The following PRTFDC1 variants were observed in gnomAD, a reference collection of about 807,000 sequenced individuals.
PRTFDC1 encodes phosphoribosyl transferase domain containing 1.
PRTFDC1 carries 38 observed loss-of-function variants against 34.6 expected under a neutral mutation model. That is an observed-to-expected ratio of 1.10 (90% CI 0.85 to 1.44). The LOEUF is 1.44. Ranked by LOEUF, PRTFDC1 falls within the 40% of genes most tolerant of loss-of-function variation. The pLI, the probability that PRTFDC1 is intolerant of heterozygous loss-of-function variation, is 0.00. For missense variants in PRTFDC1, 270 were observed against 283.0 expected, an observed-to-expected ratio of 0.95 and a Z score of 0.33; for synonymous variants, 93 against 98.1, an observed-to-expected ratio of 0.95 and a Z score of 0.31.
chr10:24,849,917 AT>A, intron 8 of PRTFDC1, 26 bp from the exon 9 acceptor site: 1 of 1,612,182 alleles, frequency 6.2e-7, no homozygotes, highest in South Asian at 1.1e-5. Flanking sequence ...ATTTAAACGC[AT>A]CAGTTTCTTA....
At chr10:24,854,682 A>G (rs1360258906) in intron 7 of PRTFDC1, among the ~76,000 whole-genome samples, 3 of 152,270 alleles carry the variant, frequency 2.0e-5, no homozygotes, top group African/African-American at 7.2e-5. Flanking sequence ...AGTGTCCTAG[A>G]TGAGGAAGCC....
intron 4 of PRTFDC1, among the ~76,000 whole-genome samples, chr10:24,863,570 T>C (rs1847721694): frequency 6.6e-6 from 1 of 152,128 alleles, no homozygotes; most frequent in South Asian, 2.1e-4. Flanking sequence ...GTCTTATTAT[T>C]TAAGAAATAG....
intron 3 of PRTFDC1, among the ~76,000 whole-genome samples, chr10:24,894,191 C>T (rs1044739797): frequency 3.3e-5 from 5 of 151,988 alleles, no homozygotes; most frequent in African/African-American, 4.8e-5. Context: ...ATTAGCTGGG[C>T]GTGGCAGCAT....
At chr10:24,895,002 T>G (rs1304457058) in intron 3 of PRTFDC1, among the ~76,000 whole-genome samples, 2 of 152,126 alleles carry the variant, frequency 1.3e-5, no homozygotes, top group Non-Finnish European at 2.9e-5. Context: ...AAGAAAACCC[T>G]GGGCTTGGCT....
rs1564317702 is a variant in PRTFDC1 at position 24,934,247 on chromosome 10, G to GAA, written c.339+2936_339+2937insTT. 7.3e-3 allele frequency among the ~76,000 whole-genome samples: 771 copies of GAA among 106,032 alleles called. 4 individuals carry two copies. The highest frequency in any genetic ancestry group is 0.027 in the Middle Eastern group (6 of 222). The allele number at this position is 106,032 out of a possible 152,430, so 69.6% of individuals were successfully genotyped here. A position where few individuals can be genotyped will look rare whatever the true frequency, so the allele number is the denominator to read the frequency against. On this transcript the variant is annotated intron_variant, in intron 3 of 8. Transcript: ENST00000320152. ...AGAAGAAGAAGAAGAAGAAGAAGAA[G>GAA]GAGAAGAAGAAGAAGAAGAAGAAGA... is the stretch of plus-strand genomic sequence containing the variant.
chr10:24,948,490 T>A (rs1338320124), intron 1 of PRTFDC1, among the ~76,000 whole-genome samples: 1 of 152,194 alleles, frequency 6.6e-6, no homozygotes, highest in Non-Finnish European at 1.5e-5. Context: ...CAATTAGCAT[T>A]TGCTACCATT....
At chr10:24,861,646 T>C (rs1399594700) in intron 4 of PRTFDC1, among the ~76,000 whole-genome samples, 1 of 152,050 alleles carries the variant, frequency 6.6e-6, no homozygotes, top group Non-Finnish European at 1.5e-5. Flanking sequence ...TTTAACTCTT[T>C]TAGCTGTTTT....
chr10:24,891,331 C>T (rs556903963), intron 3 of PRTFDC1, among the ~76,000 whole-genome samples: 8 of 151,956 alleles, frequency 5.3e-5, no homozygotes, highest in Non-Finnish European at 1.2e-4. Context: ...AAACTGTTTC[C>T]TAATATAACA....
intron 3 of PRTFDC1, among the ~76,000 whole-genome samples, chr10:24,882,254 A>C (rs898313087): frequency 1.3e-5 from 2 of 151,244 alleles, no homozygotes; most frequent in African/African-American, 4.9e-5. Context: ...CTCAGGCATC[A>C]TCTCTTCTAG....
At chr10:24,861,890 C>T (rs1203586056) in intron 4 of PRTFDC1, among the ~76,000 whole-genome samples, 1 of 152,054 alleles carries the variant, frequency 6.6e-6, no homozygotes, top group African/African-American at 2.4e-5. Flanking sequence ...CCTCCCTCCT[C>T]AGCCTCCCAG....
intron 3 of PRTFDC1, among the ~76,000 whole-genome samples, chr10:24,901,224 C>A (rs540630163): frequency 2.0e-5 from 3 of 152,138 alleles, no homozygotes; most frequent in South Asian, 2.1e-4. Flanking sequence ...AATGGCAGAG[C>A]AGGGTAACAT....
chr10:24,927,307 G>A (rs1379447342), intron 3 of PRTFDC1, among the ~76,000 whole-genome samples: 1 of 152,146 alleles, frequency 6.6e-6, no homozygotes, highest in Non-Finnish European at 1.5e-5. Flanking sequence ...TAAGACAGAT[G>A]TTTCAGCGTT....
intron 3 of PRTFDC1, among the ~76,000 whole-genome samples, chr10:24,928,524 A>G (rs1349526271): frequency 6.6e-6 from 1 of 151,978 alleles, no homozygotes; most frequent in Non-Finnish European, 1.5e-5. Flanking sequence ...ACTCACTGCA[A>G]CCTCCACCTC....
At chr10:24,873,629 G>A (rs1359662097) in intron 3 of PRTFDC1, among the ~76,000 whole-genome samples, 1 of 152,160 alleles carries the variant, frequency 6.6e-6, no homozygotes, top group Non-Finnish European at 1.5e-5. Flanking sequence ...CCTTTGCAGT[G>A]CAGGCCAACC....
At chr10:24,872,776 A>G (rs9418464) in intron 3 of PRTFDC1, among the ~76,000 whole-genome samples, 15,911 of 95,314 alleles carry the variant, frequency 0.17, 1,406 homozygotes, top group South Asian at 0.31. Flanking sequence ...GTATATATAT[A>G]TGTGTGTGTG....
At chr10:24,883,840 T>TA (rs1848120535) in intron 3 of PRTFDC1, among the ~76,000 whole-genome samples, 1 of 106,104 alleles carries the variant, frequency 9.4e-6, no homozygotes, top group South Asian at 3.0e-4. Flanking sequence ...TTTTTTTTTT[T>TA]ATAAGACAGA....
chr10:24,860,871 C>G (rs2132496922), intron 4 of PRTFDC1, among the ~76,000 whole-genome samples: 1 of 152,298 alleles, frequency 6.6e-6, no homozygotes, highest in East Asian at 1.9e-4. Flanking sequence ...ATAAACCAAC[C>G]AGAATACTTG....
At position 24,908,180 on chromosome 10, in the gene PRTFDC1, A is replaced by T. The variant is rs570914055; in HGVS notation, c.339+29004T>A. The T allele has an allele frequency of 7.9e-5, 19 of 239,516 alleles. 1 individual carries two copies. Among genetic ancestry groups the T allele is most frequent in the African/African-American group, 4.2e-4 (19 of 45,650 alleles). The allele number at this position is 239,516 out of a possible 1,614,324, so 14.8% of individuals were successfully genotyped here. A position where few individuals can be genotyped will look rare whatever the true frequency, so the allele number is the denominator to read the frequency against. On this transcript the variant is annotated intron_variant, in intron 3 of 8. Coordinates refer to ENST00000320152, the MANE Select transcript of PRTFDC1 (RefSeq NM_020200.7). ...CCAAAGTCCCCCAGGGCCTGGGGCTACATCATACTCTCGTATCCCCACCAC... is the reference window on the plus strand; with the variant it reads ...CCAAAGTCCCCCAGGGCCTGGGGCTTCATCATACTCTCGTATCCCCACCAC...
intron 3 of PRTFDC1, among the ~76,000 whole-genome samples, chr10:24,892,447 T>C (rs1848280224): frequency 6.6e-6 from 1 of 151,830 alleles, no homozygotes; most frequent in Non-Finnish European, 1.5e-5. Context: ...TTCTAGCGGG[T>C]GTGAAGTGGT....
Sources: gnomAD v4.1 joint callset for allele counts (sites outside exome capture counted in the v4.1 genomes callset) on GRCh38, gnomAD v4.1.1 for gene constraint, MANE v1.5 for transcripts, NCBI Gene and HGNC (gene_info 2026-07-23, HGNC 2026-07-21) for gene names.